ZBED6: variants seen among roughly 807,000 people sequenced by gnomAD.
ZBED6 encodes the protein zinc finger BED domain-containing protein 6.
Under a neutral mutation model 58.4 loss-of-function variants are expected in ZBED6, and 40 were observed. That is an observed-to-expected ratio of 0.68 (90% confidence interval 0.53 to 0.89). The LOEUF (loss-of-function observed/expected upper bound fraction) is 0.89, where lower values mean the gene tolerates loss of function less well. Ranked by LOEUF, ZBED6 falls within the 40% of genes least tolerant of loss-of-function variation. The pLI is 0.00. For synonymous variants in ZBED6, 439 were observed against 350.6 expected (o/e 1.25, Z -2.82); for missense variants, 1,057 against 1,003.9 (o/e 1.05, Z -0.71).
At chr1:203,840,637 T>TTTATTTTA (rs367706144) in intron 11 of ZBED6, among the ~76,000 whole-genome samples, 55 of 124,508 alleles carry the variant, frequency 4.4e-4, no homozygotes, top group Non-Finnish European at 8.0e-4. Context: ...TATTTATTTA[T>TTTATTTTA]TTTATTTATT....
chr1:203,851,172 GT>G lies in ZBED6; in HGVS notation c.*4873+51del, dbSNP rs145406733. On this transcript the variant is annotated intron_variant, in intron 16 of 16. Coordinates refer to ENST00000550078, the Ensembl canonical transcript of ZBED6. ...AAACAAACTCCAGGCCCCTGTTACTGTTTAGGCTCTCTAGAGAATAACACTG... is the reference window on the plus strand; with the variant it reads ...AAACAAACTCCAGGCCCCTGTTACTGTTAGGCTCTCTAGAGAATAACACTG... The G allele has an allele frequency of 1.9e-3, 2,994 of 1,555,800 alleles. 69 individuals are homozygous for G. The African/African-American group carries it at 0.037, about 19-fold the overall frequency.
chr1:203,849,351 T>C (rs1688722352), intron 13 of ZBED6, among the ~76,000 whole-genome samples: 1 of 152,234 alleles, frequency 6.6e-6, no homozygotes, highest in Admixed American at 6.5e-5. Context: ...CACATGATTC[T>C]CCATTATACA....
chr1:203,838,406 G>A (rs1334488911), intron 10 of ZBED6, among the ~76,000 whole-genome samples: 2 of 152,234 alleles, frequency 1.3e-5, no homozygotes, highest in Non-Finnish European at 2.9e-5. Context: ...GTTCACAGAA[G>A]AAGTTATGTT....
exon 9 of ZBED6, chr1:203,833,838 C>T (rs1558128735): frequency 1.2e-6 from 2 of 1,609,478 alleles, no homozygotes; most frequent in Non-Finnish European, 1.7e-6. Flanking sequence ...ACTGGGGAAA[C>T]GAAAATTTTC....
chr1:203,809,081 C>T (rs1183268052), intron 1 of ZBED6, among the ~76,000 whole-genome samples: 5 of 151,860 alleles, frequency 3.3e-5, no homozygotes, highest in African/African-American at 4.8e-5. Context: ...CCACCTGTCT[C>T]GGCCTCCCAA....
At chr1:203,842,238 C>A (rs555827791) in intron 11 of ZBED6, among the ~76,000 whole-genome samples, 1 of 151,936 alleles carries the variant, frequency 6.6e-6, no homozygotes, top group Non-Finnish European at 1.5e-5. Context: ...CTTTGGGAGG[C>A]AAGGCAGGCG....
Position 203,825,090 on chromosome 1 carries a change from A to AG in ZBED6, c.*2874-3209_*2874-3208insG, listed in dbSNP as rs981247603. On this transcript the variant is annotated intron_variant, in intron 3 of 16. Transcript: ENST00000550078. ...AGACTCCGTCTCAAAAAAAAAAAAA[A>AG]AAAAAGAAAATAGATGTTAGATAAG... Among the ~76,000 whole-genome samples, 7 of 151,742 alleles carry AG rather than the reference A, an allele frequency of 4.6e-5. 1 individual carries two copies. The Middle Eastern group carries it at 0.01, about 221-fold the overall frequency.
exon 1 of ZBED6, chr1:203,796,546 T>G: frequency 2.5e-6 from 1 of 398,832 alleles, no homozygotes; most frequent in East Asian, 3.6e-5. Flanking sequence ...TTCCAGGCCT[T>G]GGTTCTGGAC....
At chr1:203,831,293 G>C (rs991220882) in intron 7 of ZBED6, among the ~76,000 whole-genome samples, 5 of 152,082 alleles carry the variant, frequency 3.3e-5, no homozygotes, top group Non-Finnish European at 5.9e-5. Flanking sequence ...AGCAACCTTG[G>C]AGTTGTGTTT....
At chr1:203,833,361 T>C (rs1683054862) in intron 8 of ZBED6, among the ~76,000 whole-genome samples, 1 of 90,390 alleles carries the variant, frequency 1.1e-5, no homozygotes, top group Non-Finnish European at 2.4e-5. Context: ...TGAGACTCTG[T>C]CTCAAAAAAA....
At chr1:203,806,049 C>T in intron 1 of ZBED6, 1 of 527,092 alleles carries the variant, frequency 1.9e-6, no homozygotes, top group Non-Finnish European at 3.7e-6. Context: ...GCTGCTCATA[C>T]ATCCGCTTTT....
intron 3 of ZBED6, among the ~76,000 whole-genome samples, chr1:203,827,979 A>G (rs1188369728): frequency 6.6e-6 from 1 of 152,200 alleles, no homozygotes; most frequent in Non-Finnish European, 1.5e-5. Context: ...CATAATAGAG[A>G]TTCAGACCGT....
intron 3 of ZBED6, among the ~76,000 whole-genome samples, chr1:203,819,233 T>A (rs193227535): frequency 0.011 from 1,618 of 150,844 alleles, 21 homozygotes; most frequent in Non-Finnish European, 0.017. Context: ...TTTATTTTTT[T>A]TTTTTTGAAA....
Position 203,830,220 on chromosome 1 carries a change from T to C in ZBED6, c.*3399+17T>C, listed in dbSNP as rs1470493363. On this transcript the variant is annotated intron_variant, in intron 7 of 16. Coordinates refer to ENST00000550078, the Ensembl canonical transcript of ZBED6. ...AGCAAGGTGGTAAGTCATCACGTTT[T>C]GGCATGGATAGTTGTATGTTGCTAG... 1 of 1,574,340 alleles carries C rather than the reference T, an allele frequency of 6.4e-7. No homozygotes were observed. The highest frequency in any genetic ancestry group is 2.2e-5 in the East Asian group (1 of 44,734).
chr1:203,809,775 GA>G (rs1468146790), intron 1 of ZBED6, among the ~76,000 whole-genome samples: 7 of 152,144 alleles, frequency 4.6e-5, no homozygotes, highest in African/African-American at 1.7e-4. Flanking sequence ...CCAACATGGT[GA>G]AACCCCGTCT....
exon 1 of ZBED6, chr1:203,798,723 T>G: frequency 6.5e-7 from 1 of 1,536,002 alleles, no homozygotes. Flanking sequence ...AGAAACAACA[T>G]GTTGTGGAAA....
rs146624078 is a variant in ZBED6 at position 203,805,338 on chromosome 1, G to A, written c.*2554+2322G>A. 5.0e-3 allele frequency among the ~76,000 whole-genome samples: 767 copies of A among 151,900 alleles called. 7 individuals carry two copies. Among genetic ancestry groups the A allele is most frequent in the African/African-American group, 0.017 (710 of 41,402 alleles). On this transcript the variant is annotated intron_variant, in intron 1 of 16. Transcript: ENST00000550078. The stretch of plus-strand genomic sequence containing the variant: ...AGTAGAGATGGGGTTTCACCATGTT[G>A]GCCAGGCTGGTCTCGAACTTCTGAC...
At chr1:203,842,098 C>T (rs912694886) in intron 11 of ZBED6, among the ~76,000 whole-genome samples, 8 of 147,962 alleles carry the variant, frequency 5.4e-5, no homozygotes, top group East Asian at 4.1e-4. Context: ...TGGGAAGAGG[C>T]GCTCCTCACT....
chr1:203,838,151 T>C (rs1572256852), intron 10 of ZBED6, 87 bp downstream of exon 10: 2 of 1,235,538 alleles, frequency 1.6e-6, no homozygotes, highest in Non-Finnish European at 2.3e-6. Flanking sequence ...TTTCATTCTT[T>C]TGTTCAGGTA....
Sources: gnomAD v4.1 joint callset for allele counts (sites outside exome capture counted in the v4.1 genomes callset) on GRCh38, gnomAD v4.1.1 for gene constraint, MANE v1.5 for transcripts, NCBI Gene and HGNC (gene_info 2026-07-23, HGNC 2026-07-21) for gene names.